RBFOX1: variants seen among roughly 807,000 people sequenced by gnomAD.
The protein encoded by RBFOX1 is RNA binding protein fox-1 homolog 1.
A neutral mutation model predicts 57.7 loss-of-function variants in RBFOX1; 8 were observed. The ratio of observed to expected loss-of-function variants is 0.14; its 90% CI spans 0.08 to 0.25. The LOEUF is 0.25. Among genes scored for constraint, RBFOX1 ranks in the 10% least tolerant of loss-of-function variants. RBFOX1 has a pLI of 1.00. For synonymous variants in RBFOX1, 326 were observed against 222.4 expected, an observed-to-expected ratio of 1.47 and a Z score of -4.15; for missense variants, 611 against 548.5, an observed-to-expected ratio of 1.11 and a Z score of -1.14.
intron 3 of RBFOX1, among the ~76,000 whole-genome samples, chr16:6,979,322 C>T (rs535885946): frequency 6.6e-6 from 1 of 152,250 alleles, no homozygotes; most frequent in African/African-American, 2.4e-5. Context: ...TAATAGCATT[C>T]AGTTGAGGGT....
intron 2 of RBFOX1, among the ~76,000 whole-genome samples, chr16:6,337,427 C>G (rs939927111): frequency 2.6e-5 from 4 of 152,146 alleles, no homozygotes; most frequent in Non-Finnish European, 4.4e-5. Flanking sequence ...GAACAAACCT[C>G]AGATATTTGC....
At chr16:7,044,074 C>T (rs1261957004) in intron 3 of RBFOX1, among the ~76,000 whole-genome samples, 2 of 152,152 alleles carry the variant, frequency 1.3e-5, no homozygotes, top group African/African-American at 2.4e-5. Flanking sequence ...TTTTTCCCCA[C>T]CTAGACAATA....
At chr16:7,691,996 C>T (rs1037730145) in intron 14 of RBFOX1, among the ~76,000 whole-genome samples, 1 of 152,140 alleles carries the variant, frequency 6.6e-6, no homozygotes, top group Non-Finnish European at 1.5e-5. Context: ...GTTATTGCCC[C>T]TTCTATAAGT....
chr16:5,928,693 T>C (rs905998998), intron 4 of RBFOX1, among the ~76,000 whole-genome samples: 95 of 148,664 alleles, frequency 6.4e-4, no homozygotes, highest in Non-Finnish European at 1.1e-3. Flanking sequence ...TCTGTGCTTC[T>C]GCCCAATAAA....
intron 4 of RBFOX1, among the ~76,000 whole-genome samples, chr16:7,307,605 CTT>C (rs1366851713): frequency 6.6e-6 from 1 of 152,180 alleles, no homozygotes; most frequent in Non-Finnish European, 1.5e-5. Context: ...TCCTTCTCCT[CTT>C]TTTTCCTCCA....
At chr16:6,089,126 T>C (rs2096133551) in intron 1 of RBFOX1, among the ~76,000 whole-genome samples, 1 of 149,564 alleles carries the variant, frequency 6.7e-6, no homozygotes, top group Admixed American at 6.7e-5. Flanking sequence ...TATTAAAGAG[T>C]AATGATGGGG....
chr16:6,900,302 TCCTG>T (rs1371980419), intron 3 of RBFOX1, among the ~76,000 whole-genome samples: 2 of 152,172 alleles, frequency 1.3e-5, no homozygotes, highest in African/African-American at 4.8e-5. Flanking sequence ...TCCACGAATA[TCCTG>T]TTCCAAGTTG....
intron 1 of RBFOX1, among the ~76,000 whole-genome samples, chr16:6,177,991 T>G (rs1277748891): frequency 1.3e-5 from 2 of 151,968 alleles, no homozygotes; most frequent in African/African-American, 4.8e-5. Flanking sequence ...TTGGATACTT[T>G]CTGATTTTTA....
At chr16:5,971,910 CA>C (rs1222071509) in intron 4 of RBFOX1, among the ~76,000 whole-genome samples, 2 of 152,332 alleles carry the variant, frequency 1.3e-5, no homozygotes, top group African/African-American at 4.8e-5. Flanking sequence ...GGGTGGGCCT[CA>C]TCCAGTCAGC....
chr16:7,214,477 C>T (rs1006090498), intron 4 of RBFOX1, among the ~76,000 whole-genome samples: 6 of 151,966 alleles, frequency 3.9e-5, no homozygotes, highest in Non-Finnish European at 5.9e-5. Context: ...CCGATCCATC[C>T]ACTGCCTCCA....
At chr16:7,612,461 T>C (rs1331471849) in intron 10 of RBFOX1, among the ~76,000 whole-genome samples, 1 of 151,408 alleles carries the variant, frequency 6.6e-6, no homozygotes, top group African/African-American at 2.4e-5. Context: ...TAAGGAGAAG[T>C]AGACTCAGAA....
chr16:6,095,959 C>G (rs1490532786), intron 1 of RBFOX1, among the ~76,000 whole-genome samples: 3 of 152,204 alleles, frequency 2.0e-5, no homozygotes, highest in African/African-American at 7.2e-5. Flanking sequence ...GGGCCCAGAT[C>G]TCAGCCACCC....
At chr16:7,046,949 A>C (rs982517237) in intron 3 of RBFOX1, among the ~76,000 whole-genome samples, 1 of 151,178 alleles carries the variant, frequency 6.6e-6, no homozygotes, top group Non-Finnish European at 1.5e-5. Flanking sequence ...TAAATTAAAA[A>C]GCTCTTCATG....
chr16:5,521,650 T>C (rs1035274820), intron 2 of RBFOX1, among the ~76,000 whole-genome samples: 1 of 143,354 alleles, frequency 7.0e-6, no homozygotes, highest in African/African-American at 2.9e-5. Flanking sequence ...ACAAGAAACT[T>C]GCCTCTAGGT....
intron 4 of RBFOX1, among the ~76,000 whole-genome samples, chr16:5,896,758 G>A (rs1336821656): frequency 6.6e-6 from 1 of 152,106 alleles, no homozygotes; most frequent in Non-Finnish European, 1.5e-5. Context: ...TGGAGAAGAG[G>A]AGATATGAGC....
In RBFOX1 at chr16:6,684,394, T is replaced by A. The variant is rs555763684; in HGVS notation, c.-16+29744T>A. ...GAGCAGCCATTGAGGGCAGATGTTT[T>A]CATCTTTTCCCCCAGTTTAAGTATC... On this transcript the variant is annotated intron_variant, in intron 3 of 15. Transcript: ENST00000550418. Among the ~76,000 whole-genome samples the A allele has an allele frequency of 2.9e-4, 44 of 152,350 alleles. No homozygotes were observed. The South Asian group carries it at 8.5e-3, about 29-fold the overall frequency.
At chr16:7,170,478 G>A (rs754192166) in intron 4 of RBFOX1, among the ~76,000 whole-genome samples, 1 of 152,036 alleles carries the variant, frequency 6.6e-6, no homozygotes, top group African/African-American at 2.4e-5. Context: ...GTCTTGGCGT[G>A]TTGCCCATAT....
chr16:6,357,606 G>A (rs918757638), intron 2 of RBFOX1, among the ~76,000 whole-genome samples: 13 of 151,186 alleles, frequency 8.6e-5, no homozygotes, highest in Non-Finnish European at 1.5e-4. Context: ...TCTTGCTCCC[G>A]CTTGTGCTCT....
intron 1 of RBFOX1, among the ~76,000 whole-genome samples, chr16:6,084,246 T>G (rs1209150150): frequency 6.6e-6 from 1 of 152,106 alleles, no homozygotes; most frequent in Non-Finnish European, 1.5e-5. Flanking sequence ...TTTTTATTAC[T>G]TGTTTTTGTT....
Sources: gnomAD v4.1 joint callset for allele counts (sites outside exome capture counted in the v4.1 genomes callset) on GRCh38, gnomAD v4.1.1 for gene constraint, MANE v1.5 for transcripts, NCBI Gene and HGNC (gene_info 2026-07-23, HGNC 2026-07-21) for gene names.